MTERF4: variants seen among roughly 807,000 people sequenced by gnomAD.
MTERF4 encodes the protein transcription termination factor 4, mitochondrial.
Under a neutral mutation model 22.5 loss-of-function variants are expected in MTERF4, and 17 were observed. That is an observed-to-expected ratio of 0.75 (90% CI 0.52 to 1.13). MTERF4 has a LOEUF of 1.13. MTERF4 is among the 50% of genes most tolerant of loss of function. The pLI is 0.00. For missense variants in MTERF4, 420 were observed against 466.8 expected (o/e 0.90, Z 0.92); for synonymous variants, 165 against 175.3 (o/e 0.94, Z 0.47).
chr2:241,079,140 CG>C (rs1448670737), intron 4 of MTERF4, among the ~76,000 whole-genome samples: 1 of 137,686 alleles, frequency 7.3e-6, no homozygotes, highest in Non-Finnish European at 1.5e-5. Context: ...AGGCCGGGCG[CG>C]GTGGCTCACA....
the MTERF4 span, chr2:241,048,318 A>T: frequency 3.8e-6 from 6 of 1,598,650 alleles, no homozygotes; most frequent in East Asian, 1.3e-4. Flanking sequence ...CTTGCAGGAG[A>T]CCATCCAGTG....
downstream of MTERF4, chr2:241,087,698 T>TG (rs141270290): frequency 9.5e-3 from 12,911 of 1,364,030 alleles, 497 homozygotes; most frequent in African/African-American, 0.12. Context: ...TGCTGGGTGC[T>TG]GGGGGGGGTC....
chr2:241,101,257 C>CA (rs1427677862), intron 1 of MTERF4: 1 of 451,822 alleles, frequency 2.2e-6, no homozygotes, highest in Admixed American at 2.4e-5. Context: ...GATCATCGGG[C>CA]ATCAGATTCT....
chr2:241,088,438 G>A (rs778068550), downstream of MTERF4: 19 of 1,581,208 alleles, frequency 1.2e-5, no homozygotes, highest in Non-Finnish European at 4.3e-6. Context: ...CTACCACAGA[G>A]CTGCTGGGAA....
downstream of MTERF4, chr2:241,069,053 C>T (rs1329755807): frequency 1.5e-5 from 22 of 1,439,448 alleles, no homozygotes; most frequent in Middle Eastern, 1.8e-4. This position sits in a 1 kb window ranked among gnomAD's most constrained non-coding sequence, Gnocchi z 4.9. Flanking sequence ...CCCCGGCACA[C>T]GAAAGGCCGT....
chr2:241,089,710 G>C (rs765212646), downstream of MTERF4, among the ~76,000 whole-genome samples: 1 of 152,196 alleles, frequency 6.6e-6, no homozygotes, highest in Non-Finnish European at 1.5e-5. Flanking sequence ...TCCTACAGCC[G>C]AGCATCACTT....
intron 4 of MTERF4, among the ~76,000 whole-genome samples, chr2:241,076,333 A>G (rs2063018289): frequency 6.6e-6 from 1 of 152,218 alleles, no homozygotes. Flanking sequence ...AAAGTTTTAT[A>G]TGGAATTCAG....
At chr2:241,089,207 G>A, downstream of MTERF4, 1 of 1,264,202 alleles carries the variant, frequency 7.9e-7, no homozygotes, top group Non-Finnish European at 1.1e-6. Flanking sequence ...TTATCAACAT[G>A]TCACTGCATG....
the MTERF4 span, chr2:241,065,231 C>A: frequency 6.5e-7 from 1 of 1,539,228 alleles, no homozygotes. Context: ...GAGCCGCCGA[C>A]GGGAGCCAGG....
chr2:241,081,998 G>A (rs992699114), intron 4 of MTERF4, among the ~76,000 whole-genome samples: 6 of 152,188 alleles, frequency 3.9e-5, no homozygotes, highest in African/African-American at 7.2e-5. Context: ...TGCCCATCAC[G>A]GGGGTCAGAA....
At chr2:241,089,737 T>C (rs975237129), downstream of MTERF4, among the ~76,000 whole-genome samples, 1 of 152,254 alleles carries the variant, frequency 6.6e-6, no homozygotes, top group Non-Finnish European at 1.5e-5. Context: ...GGAGATGCAT[T>C]CTGAGAAATG....
At chr2:241,063,337 C>T in the MTERF4 span, 23 of 547,650 alleles carry the variant, frequency 4.2e-5, no homozygotes, top group East Asian at 7.4e-4. Flanking sequence ...CCTGGGGAGC[C>T]TCCCATTGCG....
At chr2:241,069,808 G>A, downstream of MTERF4, 1 of 1,256,616 alleles carries the variant, frequency 8.0e-7, no homozygotes, top group Non-Finnish European at 1.1e-6. The surrounding 1 kb of genome is among the most constrained non-coding windows in gnomAD (Gnocchi z 4.9). Flanking sequence ...CCATAATAAA[G>A]AATCTGGCTT....
chr2:241,049,071 C>A, the MTERF4 span: 4 of 1,613,712 alleles, frequency 2.5e-6, no homozygotes, highest in East Asian at 8.9e-5. Flanking sequence ...CAGATGGGGG[C>A]TACTGCATGG....
At position 241,096,809 on chromosome 2, in the gene MTERF4, CA is replaced by C; in HGVS notation, c.706-372del. On this transcript the variant is annotated intron_variant, in intron 3 of 3. Transcript: ENST00000391980. The surrounding 1 kb of genome is among the most constrained non-coding windows in gnomAD (Gnocchi z 5.1). ...CGACCTAAGTTGTCATAATTATTAC[CA>C]AAAAATCGGACAACTGTTAAAATTA... is the stretch of plus-strand genomic sequence containing the variant. The C allele has an allele frequency of 3.8e-6, 2 of 520,806 alleles. No individual in the cohort carries two copies. Among genetic ancestry groups the C allele is most frequent in the Middle Eastern group, 3.1e-4 (1 of 3,238 alleles). The allele number at this position is 520,806 out of a possible 1,614,324, so 32.3% of individuals were successfully genotyped here.
At chr2:241,093,549 G>T (rs998112654), downstream of MTERF4, 1 of 126,868 alleles carries the variant, frequency 7.9e-6, no homozygotes, top group African/African-American at 3.9e-5. Flanking sequence ...TAGAAGCCTT[G>T]TGTCAACAAG....
the MTERF4 span, among the ~76,000 whole-genome samples, chr2:241,061,922 C>G: frequency 6.6e-6 from 1 of 151,792 alleles, no homozygotes; most frequent in Non-Finnish European, 1.5e-5. Context: ...AAGACCCAGC[C>G]AGTGAGAATG....
the MTERF4 span, chr2:241,063,560 C>T: frequency 1.3e-6 from 2 of 1,508,986 alleles, no homozygotes; most frequent in Non-Finnish European, 1.8e-6. Context: ...GAGCCAGCAA[C>T]ACCCTTGACA....
At chr2:241,053,029 C>T in the MTERF4 span, 6 of 899,794 alleles carry the variant, frequency 6.7e-6, no homozygotes, top group African/African-American at 3.4e-5. Context: ...CACCTTTCCC[C>T]GGTGAAGGGC....
Sources: gnomAD v4.1 joint callset for allele counts (sites outside exome capture counted in the v4.1 genomes callset) on GRCh38, gnomAD v4.1.1 for gene constraint, Gnocchi (gnomAD v3.1) non-coding constraint, MANE v1.5 for transcripts, NCBI Gene and HGNC (gene_info 2026-07-23, HGNC 2026-07-21) for gene names.